DEPDC5: variants seen among roughly 807,000 people sequenced by gnomAD.
DEPDC5 encodes the protein GATOR1 complex protein DEPDC5.
In DEPDC5, 73 loss-of-function variants were observed where a neutral mutation model predicts 217.3. The observed-to-expected ratio is 0.34, with a 90% CI of 0.28 to 0.41. The LOEUF (loss-of-function observed/expected upper bound fraction) is 0.41, where lower values mean the gene tolerates loss of function less well. Among genes scored for constraint, DEPDC5 ranks in the 10% least tolerant of loss-of-function variants. The pLI, the probability that DEPDC5 is intolerant of heterozygous loss-of-function variation, is 1.00. For missense variants in DEPDC5, 1,675 were observed against 2,070.1 expected (o/e 0.81, Z 3.70); for synonymous variants, 733 against 756.7 (o/e 0.97, Z 0.51).
chr22:31,758,502 C>G, intron 2 of DEPDC5, 44 bp from the exon 3 acceptor site: 1 of 1,555,844 alleles, frequency 6.4e-7, no homozygotes, highest in South Asian at 1.1e-5. Flanking sequence ...TACAGTGTAC[C>G]TAATGAGTGT....
Position 31,821,595 on chromosome 22 carries a change from C to T in DEPDC5, c.1964C>T (p.Ser655Phe), listed in dbSNP as rs762037579. 45 of 1,614,058 alleles carry T rather than the reference C, an allele frequency of 2.8e-5. 1 individual carries two copies. In the East Asian group the frequency reaches 6.0e-4, roughly 22 times the overall value. ...GSGQRDPTHS[S>F]AELLELAYHE... is the part of the protein sequence containing the mutation. The stretch of plus-strand genomic sequence containing the variant: ...GGGCAGAGGGATCCAACTCACTCCT[C>T]TGCAGAGCTGCTGGAGTTAGCATAT... The change falls in exon 23 of 43, where the codon TCT (serine) becomes TTT (phenylalanine). Residue 655 changes from serine (S) to phenylalanine (F), a missense_variant. Physicochemically the swap from Ser to Phe is radical, Grantham distance 155. Coordinates refer to ENST00000651528, the MANE Select transcript of DEPDC5 (RefSeq NM_001242896.3).
intron 32 of DEPDC5, among the ~76,000 whole-genome samples, chr22:31,860,675 A>G (rs903170935): frequency 6.6e-6 from 1 of 152,060 alleles, no homozygotes; most frequent in Non-Finnish European, 1.5e-5. Context: ...CTGACATTAT[A>G]TATGTCTTAG....
At chr22:31,779,741 A>G (rs180719438) in intron 8 of DEPDC5, among the ~76,000 whole-genome samples, 8 of 152,306 alleles carry the variant, frequency 5.3e-5, no homozygotes, top group African/African-American at 1.7e-4. Flanking sequence ...GAAATCATGG[A>G]TATGTAATTC....
chr22:31,802,409 C>T (rs537165483), intron 14 of DEPDC5, among the ~76,000 whole-genome samples: 2 of 152,076 alleles, frequency 1.3e-5, no homozygotes, highest in South Asian at 4.1e-4. Context: ...GGATTTCAGG[C>T]ATGAGCCACC....
chr22:31,868,335 C>T (rs910396643), intron 33 of DEPDC5, among the ~76,000 whole-genome samples: 2 of 152,198 alleles, frequency 1.3e-5, no homozygotes, highest in East Asian at 3.8e-4. Flanking sequence ...GAACATCCAG[C>T]AATGCACAGG....
chr22:31,825,014 A>G (rs1420523534), intron 24 of DEPDC5, among the ~76,000 whole-genome samples: 2 of 151,038 alleles, frequency 1.3e-5, no homozygotes, highest in African/African-American at 2.4e-5. Flanking sequence ...AAGTACCTTT[A>G]GAGGGGCTAT....
chr22:31,800,574 T>C (rs2086763673), intron 14 of DEPDC5, among the ~76,000 whole-genome samples: 1 of 152,302 alleles, frequency 6.6e-6, no homozygotes, highest in South Asian at 2.1e-4. Flanking sequence ...AACTGTGTTA[T>C]TATTTTCCAC....
intron 18 of DEPDC5, among the ~76,000 whole-genome samples, chr22:31,808,226 G>A (rs901869387): frequency 1.1e-4 from 16 of 150,908 alleles, no homozygotes; most frequent in African/African-American, 3.7e-4. Context: ...CTCCCCAATA[G>A]CTAGGACTAC....
At chr22:31,774,698 C>T (rs1482212420) in intron 7 of DEPDC5, among the ~76,000 whole-genome samples, 1 of 151,980 alleles carries the variant, frequency 6.6e-6, no homozygotes, top group Non-Finnish European at 1.5e-5. Context: ...AAAAAATTAG[C>T]TGGGTGTGGC....
chr22:31,877,749 CAAAAAAAA>C (rs136870), intron 37 of DEPDC5, among the ~76,000 whole-genome samples: 5 of 62,862 alleles, frequency 8.0e-5, no homozygotes, highest in Non-Finnish European at 1.4e-4. Context: ...GACTCCATCT[CAAAAAAAA>C]AAAAAAAAAA....
intron 21 of DEPDC5, chr22:31,815,527 G>C (rs1047823745): frequency 3.1e-6 from 2 of 637,516 alleles, no homozygotes. Flanking sequence ...TGGGACTATA[G>C]CATGCCACCA....
intron 38 of DEPDC5, among the ~76,000 whole-genome samples, chr22:31,885,774 G>A (rs1331049398): frequency 1.4e-5 from 2 of 146,248 alleles, no homozygotes. Flanking sequence ...AGTGGCTCAC[G>A]CCTGTAATCC....
chr22:31,863,008 T>C (rs2092568558), intron 33 of DEPDC5, among the ~76,000 whole-genome samples: 1 of 152,086 alleles, frequency 6.6e-6, no homozygotes, highest in African/African-American at 2.4e-5. Flanking sequence ...TGAACCACCA[T>C]ACACAGCTAA....
chr22:31,793,419 A>G (rs915443663), intron 12 of DEPDC5, among the ~76,000 whole-genome samples: 18 of 152,150 alleles, frequency 1.2e-4, no homozygotes, highest in Non-Finnish European at 5.9e-5. Flanking sequence ...CCTGAATTTA[A>G]CAGTTATTAT....
chr22:31,807,778 C>T (rs2087729908), intron 18 of DEPDC5, among the ~76,000 whole-genome samples: 1 of 152,170 alleles, frequency 6.6e-6, no homozygotes, highest in Admixed American at 6.5e-5. Context: ...GAAAAGCAGG[C>T]TGTTATGTTT....
At chr22:31,892,555 A>G (rs1308786372) in intron 38 of DEPDC5, among the ~76,000 whole-genome samples, 1 of 152,174 alleles carries the variant, frequency 6.6e-6, no homozygotes, top group Non-Finnish European at 1.5e-5. Context: ...GTGGTGGCGC[A>G]TGCCTGTAAT....
intron 32 of DEPDC5, chr22:31,858,273 TGGGAGTATCCTGG>T (rs2092379273): frequency 6.6e-6 from 1 of 152,126 alleles, no homozygotes; most frequent in South Asian, 2.1e-4. Context: ...TACAGTCAAA[TGGGAGTATCCTGG>T]GGTGGGGGGA....
intron 33 of DEPDC5, among the ~76,000 whole-genome samples, chr22:31,865,986 A>C (rs140833380): frequency 0.014 from 2,177 of 152,254 alleles, 19 homozygotes; most frequent in Middle Eastern, 0.031. Context: ...CATCTCTACC[A>C]GCCTCCAGGC....
At chr22:31,882,815 G>A (rs532597760) in intron 38 of DEPDC5, among the ~76,000 whole-genome samples, 3 of 151,152 alleles carry the variant, frequency 2.0e-5, no homozygotes, top group Non-Finnish European at 2.9e-5. Flanking sequence ...ATAGAGACAG[G>A]GTCTCCCTAT....
Sources: allele counts gnomAD v4.1 joint callset (sites outside exome capture counted in the v4.1 genomes callset), GRCh38; gene constraint gnomAD v4.1.1; transcripts MANE v1.5; gene names NCBI Gene and HGNC (gene_info 2026-07-23, HGNC 2026-07-21).